Variants in ESYT2 observed in about 807,000 individuals in gnomAD.
ESYT2 encodes the protein extended synaptotagmin-2.
In ESYT2, 54 loss-of-function variants were observed where a neutral mutation model predicts 107.2. The ratio of observed to expected loss-of-function variants is 0.50; its 90% CI spans 0.40 to 0.63. ESYT2 has a LOEUF of 0.63. ESYT2 is among the 30% of genes least tolerant of loss of function. The probability of loss-of-function intolerance (pLI) is 0.00; values close to 1 mark genes in which losing one functional copy is unlikely to be tolerated. For missense variants in ESYT2, 1,020 were observed against 1,094.5 expected (o/e 0.93, Z 0.96); for synonymous variants, 491 against 434.1 (o/e 1.13, Z -1.63).
At chr7:158,809,491 A>AAC (rs1839932827) in intron 1 of ESYT2, among the ~76,000 whole-genome samples, 3 of 149,170 alleles carry the variant, frequency 2.0e-5, no homozygotes, top group African/African-American at 7.4e-5. Flanking sequence ...AAAAAAAAAA[A>AAC]AAAAAACCAG....
intron 19 of ESYT2, 87 bp from the exon 20 acceptor site, chr7:158,737,266 G>T: frequency 6.8e-7 from 1 of 1,480,324 alleles, no homozygotes; most frequent in South Asian, 1.3e-5. Flanking sequence ...ATCAAGCTTT[G>T]ATTTCATGTT....
intron 1 of ESYT2, among the ~76,000 whole-genome samples, chr7:158,802,453 G>T (rs1839673934): frequency 6.6e-6 from 1 of 152,180 alleles, no homozygotes; most frequent in African/African-American, 2.4e-5. Context: ...GCTAATTTTT[G>T]TAGTTTTAGT....
chr7:158,753,891 G>A (rs754092559), intron 13 of ESYT2, among the ~76,000 whole-genome samples: 9 of 152,214 alleles, frequency 5.9e-5, no homozygotes, highest in South Asian at 2.1e-4. Flanking sequence ...GACATTCTTC[G>A]GATATCCTAC....
At chr7:158,749,802 C>A in intron 14 of ESYT2, 79 bp from the exon 15 acceptor site, 1 of 1,282,124 alleles carries the variant, frequency 7.8e-7, no homozygotes, top group African/African-American at 1.5e-5. Flanking sequence ...AAATTACTGG[C>A]TTATATTAGT....
chr7:158,735,504 T>C lies in ESYT2; in HGVS notation c.2504A>G (p.Lys835Arg), dbSNP rs773164775. 2.6e-5 allele frequency: 42 copies of C among 1,613,536 alleles called. No homozygotes were observed. The highest frequency in any genetic ancestry group is 3.6e-5 in the Non-Finnish European group (42 of 1,179,488). The change falls in exon 21 of 23, where the codon AAA becomes AGA. Residue 835 changes from lysine (K) to arginine (R), a missense_variant and splice_region_variant. Transcript: ENST00000275418. ...GTTGAGGATTCGTTTGGCACTTACT[T>C]TGCCAAGGAGCCCTTTGTCTTTGGA... ...FLSKDKGLLG[K>R]VLVALASEEL...
chr7:158,814,146 C>T (rs919847244), intron 1 of ESYT2, among the ~76,000 whole-genome samples: 27 of 151,512 alleles, frequency 1.8e-4, no homozygotes, highest in African/African-American at 5.8e-4. Flanking sequence ...TGGTGGTGGA[C>T]GCCTGTAGTC....
At chr7:158,781,324 C>T (rs186002192) in intron 6 of ESYT2, among the ~76,000 whole-genome samples, 3 of 147,538 alleles carry the variant, frequency 2.0e-5, no homozygotes, top group South Asian at 2.2e-4. Context: ...TGAGAGTGAA[C>T]GAGTGTTGAG....
At chr7:158,773,217 T>C (rs993472168) in intron 7 of ESYT2, 124 bp downstream of exon 7, 20 of 1,029,388 alleles carry the variant, frequency 1.9e-5, no homozygotes, top group Non-Finnish European at 2.6e-5. Flanking sequence ...CGACAGCCTG[T>C]GGAGAAGGCA....
chr7:158,771,775 C>G (rs1372975591), intron 7 of ESYT2, among the ~76,000 whole-genome samples: 2 of 152,190 alleles, frequency 1.3e-5, no homozygotes, highest in Non-Finnish European at 2.9e-5. Context: ...TAGCTCAGAG[C>G]AGGCAGTGGG....
intron 13 of ESYT2, among the ~76,000 whole-genome samples, chr7:158,757,207 A>C (rs1837788362): frequency 6.6e-6 from 1 of 152,194 alleles, no homozygotes; most frequent in South Asian, 2.1e-4. Context: ...ACAATAGTTA[A>C]AATCATGCAA....
At chr7:158,797,809 G>C (rs1470723026) in intron 3 of ESYT2, 133 bp downstream of exon 3, 6 of 1,197,180 alleles carry the variant, frequency 5.0e-6, no homozygotes, top group Non-Finnish European at 6.9e-6. Context: ...AGCCAAGATA[G>C]TGCCACTGCA....
intron 4 of ESYT2, among the ~76,000 whole-genome samples, chr7:158,791,439 A>G (rs1168831007): frequency 6.6e-6 from 1 of 152,194 alleles, no homozygotes; most frequent in Non-Finnish European, 1.5e-5. Flanking sequence ...TCGGGTATGT[A>G]CACAGAGGCG....
chr7:158,767,537 G>A lies in ESYT2; in HGVS notation c.924+117C>T, dbSNP rs1004879912. 25 of 1,380,496 alleles carry A rather than the reference G, an allele frequency of 1.8e-5. 1 individual carries two copies. The highest frequency in any genetic ancestry group is 5.4e-4 in the Middle Eastern group (2 of 3,720). 85.5% of individuals were successfully genotyped at this position (1,380,496 alleles called of 1,614,324 possible). ...ACCAATAGTCAATGCATCAAGACCCGTGTGGCAAGCTGGCTGCTGGGGAGA... is the reference window on the plus strand; with the variant it reads ...ACCAATAGTCAATGCATCAAGACCCATGTGGCAAGCTGGCTGCTGGGGAGA... On this transcript the variant is annotated intron_variant, in intron 8 of 22. Coordinates refer to ENST00000275418, the MANE Select transcript of ESYT2 (RefSeq NM_001367773.1).
rs79454373 is a variant in ESYT2, at chr7:158,797,095, T to C, written c.507+847A>G. On this transcript the variant is annotated intron_variant, in intron 3 of 22. Transcript: ENST00000275418. ...ACCACGGCTGGAGGCAGAGCCTGAGTGAGAAACGCACCCGGTAGACCTTGG... is the reference window on the plus strand; with the variant it reads ...ACCACGGCTGGAGGCAGAGCCTGAGCGAGAAACGCACCCGGTAGACCTTGG... Among the ~76,000 whole-genome samples the C allele has an allele frequency of 0.019, 288 of 14,834 alleles. 9 individuals carry two copies. In the East Asian group the frequency reaches 0.26, roughly 13 times the overall value. 9.7% of individuals were successfully genotyped at this position (14,834 alleles called of 152,430 possible).
At chr7:158,811,824 A>G (rs9638144) in intron 1 of ESYT2, among the ~76,000 whole-genome samples, 20,887 of 152,210 alleles carry the variant, frequency 0.14, 2,380 homozygotes, top group East Asian at 0.56. Flanking sequence ...CTAAACAACC[A>G]GAATCTGAGG....
chr7:158,755,999 A>G (rs948022572), intron 13 of ESYT2, among the ~76,000 whole-genome samples: 1 of 152,250 alleles, frequency 6.6e-6, no homozygotes, highest in Non-Finnish European at 1.5e-5. Context: ...CATGTACCCT[A>G]TAACTTAAAA....
At position 158,823,244 on chromosome 7, in the gene ESYT2, G is replaced by A. The variant is rs369630833; in HGVS notation, c.330+5845C>T. On this transcript the variant is annotated intron_variant, in intron 1 of 22. Coordinates refer to ENST00000275418, the MANE Select transcript of ESYT2 (RefSeq NM_001367773.1). ...AGCGAGGCGGAGGTTGCAGTGACCC[G>A]AGATGGTGCCACTGTGCCCCAGCCT... Among the ~76,000 whole-genome samples the A allele has an allele frequency of 1.5e-4, 19 of 126,432 alleles. No individual in the cohort carries two copies. In the East Asian group the frequency reaches 3.2e-3, roughly 21 times the overall value. 82.9% of individuals were successfully genotyped at this position (126,432 alleles called of 152,430 possible).
At position 158,731,172 on chromosome 7, in the gene ESYT2, T is replaced by TAC. The variant is rs1469176232; in HGVS notation, c.*3033_*3034dup. On this transcript the variant is annotated 3_prime_UTR_variant, in exon 23 of 23. Transcript: ENST00000275418. The stretch of plus-strand genomic sequence containing the variant: ...GGCAACCACAGAAAAAACACACAGC[T>TAC]ACACACAGGCCTGCATTTGGCTTAT... The TAC allele has an allele frequency of 6.6e-6, 1 of 152,118 alleles. No homozygotes were observed. The highest frequency in any genetic ancestry group is 1.5e-5 in the Non-Finnish European group (1 of 68,052). 9.4% of individuals were successfully genotyped at this position (152,118 alleles called of 1,614,324 possible).
At chr7:158,773,453 A>T in intron 6 of ESYT2, 57 bp from the exon 7 acceptor site, 1 of 1,542,530 alleles carries the variant, frequency 6.5e-7, no homozygotes. Context: ...TTATTGAATC[A>T]GGTGCACACA....
Sources: gnomAD v4.1 joint callset for allele counts (sites outside exome capture counted in the v4.1 genomes callset) on GRCh38, gnomAD v4.1.1 for gene constraint, MANE v1.5 for transcripts, NCBI Gene and HGNC (gene_info 2026-07-23, HGNC 2026-07-21) for gene names.